CRYBB3: variants seen among roughly 807,000 people sequenced by gnomAD.
CRYBB3 encodes crystallin beta B3.
A neutral mutation model predicts 28.3 loss-of-function variants in CRYBB3; 35 were observed. The observed-to-expected ratio is 1.24, with a 90% CI of 0.95 to 1.64. CRYBB3 has a LOEUF of 1.64. Among genes scored for constraint, CRYBB3 ranks in the 40% most tolerant of loss-of-function variants. The pLI, the probability that CRYBB3 is intolerant of heterozygous loss-of-function variation, is 0.00. For missense variants in CRYBB3, 296 were observed against 297.4 expected (o/e 1.00, Z 0.04); for synonymous variants, 106 against 110.4 (o/e 0.96, Z 0.25).
chr22:25,204,710 G>A (rs181569525), intron 4 of CRYBB3, among the ~76,000 whole-genome samples: 95 of 152,208 alleles, frequency 6.2e-4, no homozygotes, highest in Middle Eastern at 3.4e-3. Context: ...GAGCCACCAC[G>A]CCCGGCCCAC....
chr22:25,204,702 G>A (rs1935000417), intron 4 of CRYBB3, among the ~76,000 whole-genome samples: 1 of 152,180 alleles, frequency 6.6e-6, no homozygotes, highest in African/African-American at 2.4e-5. Flanking sequence ...ACAGGCCTGA[G>A]CCACCACGCC....
intron 3 of CRYBB3, among the ~76,000 whole-genome samples, chr22:25,203,429 A>G (rs1934981036): frequency 6.6e-6 from 1 of 152,224 alleles, no homozygotes; most frequent in African/African-American, 2.4e-5. Context: ...ATAACAATAC[A>G]ATACAAAGAA....
At chr22:25,203,976 G>T (rs1213237530) in intron 4 of CRYBB3, 81 bp downstream of exon 4, 12 of 1,579,930 alleles carry the variant, frequency 7.6e-6, no homozygotes, top group Non-Finnish European at 9.6e-6. Flanking sequence ...CATTGCACAA[G>T]CTGGGCTGAG....
intron 4 of CRYBB3, 146 bp from the exon 5 acceptor site, chr22:25,205,074 A>G (rs1935007786): frequency 1.9e-6 from 2 of 1,033,126 alleles, no homozygotes; most frequent in Non-Finnish European, 1.4e-6. Context: ...GGGTGGAGGC[A>G]TCTCCTGAGG....
chr22:25,201,590 G>T (rs1934949937), intron 2 of CRYBB3, 119 bp downstream of exon 2: 2 of 1,480,526 alleles, frequency 1.4e-6, no homozygotes, highest in Non-Finnish European at 1.8e-6. Context: ...CCCAGGCCAG[G>T]ACAAAACGCT....
intron 3 of CRYBB3, 51 bp from the exon 4 acceptor site, chr22:25,203,712 C>T (rs1934984236): frequency 6.2e-7 from 1 of 1,611,374 alleles, no homozygotes; most frequent in South Asian, 1.1e-5. Flanking sequence ...AAACTTGAAT[C>T]CTTCCTCAGC....
chr22:25,207,120 A>T lies in CRYBB3; in HGVS notation c.544A>T (p.Asn182Tyr). 6.2e-7 allele frequency: 1 copy of T among 1,613,578 alleles called. No individual in the cohort carries two copies. Among genetic ancestry groups the T allele is most frequent in the Non-Finnish European group, 8.5e-7 (1 of 1,179,832 alleles). The change falls in exon 6 of 6, where the codon AAT (asparagine) becomes TAT (tyrosine). Residue 182 changes from asparagine to tyrosine, a missense_variant. Asn to Tyr is a moderately radical substitution (Grantham distance 143, BLOSUM62 -2). Transcript: ENST00000215855. ...TGAGCGGGGCGAGTACCGCCACTGGAATGAGTGGGACGCCAGCCAGCCGCA... is the reference window on the plus strand; with the variant it reads ...TGAGCGGGGCGAGTACCGCCACTGGTATGAGTGGGACGCCAGCCAGCCGCA... Reference protein sequence around the residue: ...VFERGEYRHWNEWDASQPQLQ... With the variant: ...VFERGEYRHWYEWDASQPQLQ...
chr22:25,201,331 G>A (rs562297552), intron 1 of CRYBB3, 46 bp from the exon 2 acceptor site: 1 of 1,604,814 alleles, frequency 6.2e-7, no homozygotes, highest in Non-Finnish European at 8.5e-7. Context: ...TCAACACCTG[G>A]CTTCTCCCGG....
chr22:25,207,309 C>T lies in CRYBB3; in HGVS notation c.*97C>T, dbSNP rs998765617. ...TTGGGGCGAGGGCCGACCTGTCCAC[C>T]CTTCCCTGGAATCTGCTCAATAAAG... On this transcript the variant is annotated 3_prime_UTR_variant, in exon 6 of 6. Coordinates refer to ENST00000215855, the MANE Select transcript of CRYBB3 (RefSeq NM_004076.5). The T allele has an allele frequency of 9.1e-7, 1 of 1,094,036 alleles. No individual in the cohort carries two copies. Among genetic ancestry groups the T allele is most frequent in the East Asian group, 2.6e-5 (1 of 38,870 alleles). The allele number at this position is 1,094,036 out of a possible 1,614,324, so 67.8% of individuals were successfully genotyped here.
chr22:25,206,602 C>T (rs2283809), intron 5 of CRYBB3, among the ~76,000 whole-genome samples: 72,652 of 151,966 alleles, frequency 0.48, 18,250 homozygotes, highest in East Asian at 0.82. Context: ...GTATTCACAA[C>T]GTATTGTGAT....
intron 4 of CRYBB3, among the ~76,000 whole-genome samples, 178 bp from the exon 5 acceptor site, chr22:25,205,042 G>A (rs780048562): frequency 3.9e-5 from 6 of 152,080 alleles, no homozygotes; most frequent in East Asian, 1.9e-4. Context: ...GAATCTCCCC[G>A]TCCCTCCTAC....
At position 25,201,470 on chromosome 22, in the gene CRYBB3, A is replaced by C; in HGVS notation, c.74A>C (p.Lys25Thr). ...KSHGDLGGSY[K>T]VILYELENFQ... ...CATGGAGACCTTGGGGGCAGCTACA[A>C]GGTACTGGGCAGGGAGGGGGTCAGA... The change falls in exon 2 of 6, where the codon AAG (lysine) becomes ACG (threonine). Residue 25 changes from lysine (K) to threonine (T), a missense_variant and splice_region_variant. Physicochemically the swap from Lys to Thr is moderately conservative, Grantham distance 78 (BLOSUM62 -1). Coordinates refer to ENST00000215855, the MANE Select transcript of CRYBB3 (RefSeq NM_004076.5). 1 of 1,612,614 alleles carries C rather than the reference A, an allele frequency of 6.2e-7. No individual in the cohort carries two copies. The highest frequency in any genetic ancestry group is 1.1e-5 in the South Asian group (1 of 91,034).
Position 25,207,295 on chromosome 22 carries a change from G to T in CRYBB3, c.*83G>T. 7.9e-7 allele frequency: 1 copy of T among 1,262,580 alleles called. No homozygotes were observed. The highest frequency in any genetic ancestry group is 1.1e-6 in the Non-Finnish European group (1 of 910,152). The allele number at this position is 1,262,580 out of a possible 1,614,324, so 78.2% of individuals were successfully genotyped here. A position where few individuals can be genotyped will look rare whatever the true frequency, so the allele number is the denominator to read the frequency against. On this transcript the variant is annotated 3_prime_UTR_variant, in exon 6 of 6. Coordinates refer to ENST00000215855, the MANE Select transcript of CRYBB3 (RefSeq NM_004076.5). Reference sequence around the variant, plus strand: ...AGGAGGCTCCAGGGTTGGGGCGAGGGCCGACCTGTCCACCCTTCCCTGGAA... The same window carrying T: ...AGGAGGCTCCAGGGTTGGGGCGAGGTCCGACCTGTCCACCCTTCCCTGGAA...
In CRYBB3 at chr22:25,205,377, C is replaced by T. The variant is rs760118838; in HGVS notation, c.470+15C>T. On this transcript the variant is annotated intron_variant, in intron 5 of 5. Coordinates refer to ENST00000215855, the MANE Select transcript of CRYBB3 (RefSeq NM_004076.5). ...ATCAACGGGACGTAAGGGACCCAAC[C>T]CTCACCCTTGCCCCATCTTCTGGTC... 6.2e-7 allele frequency: 1 copy of T among 1,613,784 alleles called. No individual in the cohort carries two copies. The highest frequency in any genetic ancestry group is 8.5e-7 in the Non-Finnish European group (1 of 1,179,848).
chr22:25,202,591 C>T, intron 2 of CRYBB3, 83 bp from the exon 3 acceptor site: 1 of 1,605,174 alleles, frequency 6.2e-7, no homozygotes, highest in Admixed American at 1.7e-5. Flanking sequence ...CAGAGGGTAC[C>T]TCCCTCTAAT....
At chr22:25,200,310 T>C (rs1347593954) in intron 1 of CRYBB3, among the ~76,000 whole-genome samples, 1 of 151,986 alleles carries the variant, frequency 6.6e-6, no homozygotes, top group Non-Finnish European at 1.5e-5. Flanking sequence ...ATCCAGAGTA[T>C]GTGGGCTGTG....
In CRYBB3 at chr22:25,207,190, G is replaced by A. The variant is rs758192679; in HGVS notation, c.614G>A (p.Arg205Gln). The A allele has an allele frequency of 7.4e-6, 12 of 1,613,042 alleles. No individual in the cohort carries two copies. The highest frequency in any genetic ancestry group is 1.7e-4 in the Middle Eastern group (1 of 5,960). Residue 205 changes from arginine to glutamine, a missense_variant, in exon 6 of 6, where the codon CGG (arginine) becomes CAG (glutamine). Arg to Gln is a conservative substitution (Grantham distance 43, BLOSUM62 1). Transcript: ENST00000215855. ...ATCCGTGACCAGAAGTGGCACAAGC[G>A]GGGCCGCTTCCCCAGCAGCTGAAAG... is the stretch of plus-strand genomic sequence containing the variant. ...RRIRDQKWHK[R>Q]GRFPSS
intron 4 of CRYBB3, among the ~76,000 whole-genome samples, chr22:25,204,556 T>G (rs965194451): frequency 6.6e-6 from 1 of 152,228 alleles, no homozygotes; most frequent in African/African-American, 2.4e-5. Flanking sequence ...TAGCTGGGAC[T>G]GAAGGCACAT....
At chr22:25,200,647 C>T (rs1934929474) in intron 1 of CRYBB3, among the ~76,000 whole-genome samples, 1 of 152,172 alleles carries the variant, frequency 6.6e-6, no homozygotes, top group African/African-American at 2.4e-5. Flanking sequence ...TATTGCGTGT[C>T]ACTGTCCCTG....
Sources: gnomAD v4.1 joint callset for allele counts (sites outside exome capture counted in the v4.1 genomes callset) on GRCh38, gnomAD v4.1.1 for gene constraint, MANE v1.5 for transcripts, NCBI Gene and HGNC (gene_info 2026-07-23, HGNC 2026-07-21) for gene names.